Variants in OPRL1 observed in about 807,000 individuals in gnomAD.
The protein encoded by OPRL1 is nociceptin receptor.
OPRL1 carries 5 observed loss-of-function variants against 15.5 expected under a neutral mutation model. The ratio of observed to expected loss-of-function variants is 0.32; its 90% CI spans 0.17 to 0.68. OPRL1 has a LOEUF of 0.68. OPRL1 is among the 30% of genes least tolerant of loss of function. The pLI is 0.72. For synonymous variants in OPRL1, 223 were observed against 230.2 expected (o/e 0.97, Z 0.28); for missense variants, 406 against 515.3 (o/e 0.79, Z 2.05).
rs2060100051 is a variant in OPRL1, at chr20:64,089,544, T to C, written c.-184-2422T>C. Among the ~76,000 whole-genome samples, 1 of 152,008 alleles carries C rather than the reference T, an allele frequency of 6.6e-6. No homozygotes were observed. Among genetic ancestry groups the C allele is most frequent in the Non-Finnish European group, 1.5e-5 (1 of 67,992 alleles). ...TCCTTACCCATCCTCTCTCTTGATCTCTCCATACTTCCTCCCCACTCCTTT... is the reference window on the plus strand; with the variant it reads ...TCCTTACCCATCCTCTCTCTTGATCCCTCCATACTTCCTCCCCACTCCTTT... On this transcript the variant is annotated intron_variant, in intron 1 of 4. Coordinates refer to ENST00000336866, the MANE Select transcript of OPRL1 (RefSeq NM_182647.4). This position sits in a 1 kb window ranked among gnomAD's most constrained non-coding sequence, Gnocchi z 5.5.
intron 3 of OPRL1, 65 bp downstream of exon 3, chr20:64,093,018 C>T (rs547162294): frequency 2.6e-5 from 37 of 1,436,890 alleles, no homozygotes; most frequent in East Asian, 2.5e-4. Flanking sequence ...GAAACTGAGA[C>T]GGGGTCTGTT....
At chr20:64,086,846 G>A (rs1286994093) in intron 1 of OPRL1, among the ~76,000 whole-genome samples, 3 of 152,172 alleles carry the variant, frequency 2.0e-5, no homozygotes, top group Non-Finnish European at 4.4e-5. Context: ...CTTGATTCCT[G>A]TTCTTGGCCA....
intron 1 of OPRL1, chr20:64,084,484 A>G (rs759624931): frequency 4.6e-5 from 40 of 869,148 alleles, no homozygotes; most frequent in Non-Finnish European, 5.7e-5. Context: ...ACTCAGTTGT[A>G]GGAAATATCT....
At position 64,097,922 on chromosome 20, in the gene OPRL1, T is replaced by G. The variant is rs1309136530; in HGVS notation, c.354T>G (p.Phe118Leu). ...ACATCCTCCTGGGCTTCTGGCCGTT[T>G]GGGAATGCGCTGTGCAAGACAGTCA... ...GTDILLGFWP[F>L]GNALCKTVIA... The change falls in exon 4 of 5, where the codon TTT (phenylalanine) becomes TTG (leucine). Residue 118 changes from phenylalanine to leucine, a missense_variant. Phe to Leu is a conservative substitution (Grantham distance 22). Coordinates refer to ENST00000336866, the MANE Select transcript of OPRL1 (RefSeq NM_182647.4). The surrounding 1 kb of genome is among the most constrained non-coding windows in gnomAD (Gnocchi z 4.2). 1.9e-6 allele frequency: 3 copies of G among 1,613,594 alleles called. No individual in the cohort carries two copies. The highest frequency in any genetic ancestry group is 1.7e-6 in the Non-Finnish European group (2 of 1,180,036).
chr20:64,095,397 G>T (rs1428043521), intron 3 of OPRL1, among the ~76,000 whole-genome samples: 8 of 125,696 alleles, frequency 6.4e-5, no homozygotes, highest in Non-Finnish European at 1.2e-4. Flanking sequence ...AGCATGGGGG[G>T]CAGCGTGGGG....
rs780072581 is a variant in OPRL1, at chr20:64,092,802, A to G, written c.82A>G (p.Asn28Asp). 1 of 1,612,710 alleles carries G rather than the reference A, an allele frequency of 6.2e-7. No homozygotes were observed. The highest frequency in any genetic ancestry group is 8.5e-7 in the Non-Finnish European group (1 of 1,179,930). Reference sequence around the variant, plus strand: ...GGGCAACCTGTCCCTCCTGAGCCCCAACCACAGTCTGCTGCCCCCGCATCT... The same window carrying G: ...GGGCAACCTGTCCCTCCTGAGCCCCGACCACAGTCTGCTGCCCCCGCATCT... ...LQGNLSLLSP[N>D]HSLLPPHLLL... Residue 28 changes from asparagine to aspartate, a missense_variant, in exon 3 of 5, where the codon AAC becomes GAC. Asn to Asp is a conservative substitution (Grantham distance 23). Transcript: ENST00000336866.
At chr20:64,098,221 C>T in intron 4 of OPRL1, 55 bp from the exon 5 acceptor site, 1 of 1,602,886 alleles carries the variant, frequency 6.2e-7, no homozygotes, top group South Asian at 1.1e-5. Context: ...TCCTCTGGGC[C>T]CACGTGCCCT....
chr20:64,086,349 G>T (rs186745478), intron 1 of OPRL1, among the ~76,000 whole-genome samples: 70 of 152,280 alleles, frequency 4.6e-4, no homozygotes, highest in Non-Finnish European at 9.1e-4. Flanking sequence ...TTTGCAGCAG[G>T]TACTCCCAGG....
In OPRL1 at chr20:64,083,778, C is replaced by T. The variant is rs1220615652; in HGVS notation, c.-185+3426C>T. 3.0e-6 allele frequency: 4 copies of T among 1,332,700 alleles called. No individual in the cohort carries two copies. Among genetic ancestry groups the T allele is most frequent in the Middle Eastern group, 2.8e-4 (1 of 3,582 alleles). 82.6% of individuals were successfully genotyped at this position (1,332,700 alleles called of 1,614,324 possible). ...GCCCCGGCCGGCTCCGCTCAACGCT[C>T]CCGGTGCGCCCCCTCTGCCCTCCGA... On this transcript the variant is annotated intron_variant, in intron 1 of 4. Transcript: ENST00000336866. This position sits in a 1 kb window ranked among gnomAD's most constrained non-coding sequence, Gnocchi z 4.9.
At position 64,097,982 on chromosome 20, in the gene OPRL1, C is replaced by T; in HGVS notation, c.414C>T (p.Thr138=). 6.2e-7 allele frequency: 1 copy of T among 1,613,754 alleles called. No individual in the cohort carries two copies. Among genetic ancestry groups the T allele is most frequent in the Non-Finnish European group, 8.5e-7 (1 of 1,180,030 alleles). ...AIDYYNMFTS[T]FTLTAMSVDR... ...ACTACTACAACATGTTCACCAGCAC[C>T]TTCACCCTAACTGCCATGAGTGTGG... Residue 138 remains threonine (T), a synonymous_variant, in exon 4 of 5, where the codon ACC becomes ACT. Coordinates refer to ENST00000336866, the MANE Select transcript of OPRL1 (RefSeq NM_182647.4). The surrounding 1 kb of genome is among the most constrained non-coding windows in gnomAD (Gnocchi z 4.2).
At position 64,080,185 on chromosome 20, in the gene OPRL1, G is replaced by C. The variant is rs1237860976; in HGVS notation, c.-352G>C. 1 of 152,266 alleles carries C rather than the reference G, an allele frequency of 6.6e-6. No homozygotes were observed. The highest frequency in any genetic ancestry group is 1.5e-5 in the Non-Finnish European group (1 of 68,070). 9.4% of individuals were successfully genotyped at this position (152,266 alleles called of 1,614,324 possible). Reference sequence around the variant, plus strand: ...GGCTCCCGGGCGGACGGAGCCGCACGGTAGTAGATGGGGGTGTGGCCGTGG... The same window carrying C: ...GGCTCCCGGGCGGACGGAGCCGCACCGTAGTAGATGGGGGTGTGGCCGTGG... On this transcript the variant is annotated 5_prime_UTR_variant, in exon 1 of 5. Transcript: ENST00000336866.
Position 64,099,037 on chromosome 20 carries a change from T to G in OPRL1, c.*238T>G. ...TCCATGGCCCCAGACAGACTAAAGC[T>G]GCCCTCCTGGTGCAGGGCCGAGGGG... On this transcript the variant is annotated 3_prime_UTR_variant, in exon 5 of 5. Coordinates refer to ENST00000336866, the MANE Select transcript of OPRL1 (RefSeq NM_182647.4). The G allele has an allele frequency of 1.8e-6, 1 of 558,194 alleles. No individual in the cohort carries two copies. Among genetic ancestry groups the G allele is most frequent in the Non-Finnish European group, 3.0e-6 (1 of 328,288 alleles). The allele number at this position is 558,194 out of a possible 1,614,324, so 34.6% of individuals were successfully genotyped here.
rs1201352275 is a variant in OPRL1, at chr20:64,098,564, G to T, written c.878G>T (p.Ser293Ile). Residue 293 changes from serine (S) to isoleucine (I), a missense_variant, in exon 5 of 5, where the codon AGC becomes ATC. Transcript: ENST00000336866. ...VLAQGLGVQPSSETAVAILRF... is the reference protein window; with the variant it reads ...VLAQGLGVQPISETAVAILRF... ...GCCCAAGGGCTGGGGGTTCAGCCGA[G>T]CAGCGAGACTGCCGTGGCCATTCTG... The T allele has an allele frequency of 6.2e-7, 1 of 1,612,820 alleles. No homozygotes were observed. Among genetic ancestry groups the T allele is most frequent in the South Asian group, 1.1e-5 (1 of 91,084 alleles).
At position 64,082,435 on chromosome 20, in the gene OPRL1, C is replaced by T. The variant is rs557632764; in HGVS notation, c.-185+2083C>T. 4.3e-4 allele frequency among the ~76,000 whole-genome samples: 66 copies of T among 152,348 alleles called. No individual in the cohort carries two copies. In the South Asian group the frequency reaches 0.012, roughly 27 times the overall value. On this transcript the variant is annotated intron_variant, in intron 1 of 4. Transcript: ENST00000336866. ...CTGGCTGAGGGGCGAGTGCGCAGGGCTCCACCCCCTGGCCGGGGCTGGGGA... is the reference window on the plus strand; with the variant it reads ...CTGGCTGAGGGGCGAGTGCGCAGGGTTCCACCCCCTGGCCGGGGCTGGGGA...
In OPRL1 at chr20:64,097,807, C is replaced by T; in HGVS notation, c.239C>T (p.Thr80Ile). ...CLVMYVILRH[T>I]KMKTATNIYI... ...CTTCTCCCTCTACTCCGCAGGCACA[C>T]CAAAATGAAGACAGCCACCAATATT... Residue 80 changes from threonine (T) to isoleucine (I), a missense_variant, in exon 4 of 5, where the codon ACC becomes ATC. By Grantham distance (89) the Thr-to-Ile change is moderately conservative. Coordinates refer to ENST00000336866, the MANE Select transcript of OPRL1 (RefSeq NM_182647.4). This position sits in a 1 kb window ranked among gnomAD's most constrained non-coding sequence, Gnocchi z 4.2. 6.2e-7 allele frequency: 1 copy of T among 1,611,368 alleles called. No individual in the cohort carries two copies. Among genetic ancestry groups the T allele is most frequent in the Non-Finnish European group, 8.5e-7 (1 of 1,178,188 alleles).
rs878910909 is a variant in OPRL1, at chr20:64,100,414, C to G, written c.*1615C>G. 6.6e-6 allele frequency: 1 copy of G among 152,240 alleles called. No individual in the cohort carries two copies. The highest frequency in any genetic ancestry group is 2.1e-4 in the South Asian group (1 of 4,830). The allele number at this position is 152,240 out of a possible 1,614,324, so 9.4% of individuals were successfully genotyped here. A position where few individuals can be genotyped will look rare whatever the true frequency, so the allele number is the denominator to read the frequency against. ...ACTGTTCTGGGGAGGCTCATGCTGT[C>G]TCCATGACGTCTGTGGCAGGAGTCC... On this transcript the variant is annotated 3_prime_UTR_variant, in exon 5 of 5. Coordinates refer to ENST00000336866, the MANE Select transcript of OPRL1 (RefSeq NM_182647.4).
In OPRL1 at chr20:64,089,061, T is replaced by C. The variant is rs1461903884; in HGVS notation, c.-184-2905T>C. ...CAAGGTCTGTACCGTGGGCTAGGGG[T>C]CTATGTGGGTGGGGGGCAGGTTCTG... On this transcript the variant is annotated intron_variant, in intron 1 of 4. Transcript: ENST00000336866. This position sits in a 1 kb window ranked among gnomAD's most constrained non-coding sequence, Gnocchi z 5.5. Among the ~76,000 whole-genome samples, 1 of 103,414 alleles carries C rather than the reference T, an allele frequency of 9.7e-6. No individual in the cohort carries two copies. The highest frequency in any genetic ancestry group is 1.9e-5 in the Non-Finnish European group (1 of 51,708). 67.8% of individuals were successfully genotyped at this position (103,414 alleles called of 152,430 possible).
chr20:64,083,735 C>G lies in OPRL1; in HGVS notation c.-185+3383C>G, dbSNP rs978061237. 7.4e-7 allele frequency: 1 copy of G among 1,348,488 alleles called. No individual in the cohort carries two copies. Among genetic ancestry groups the G allele is most frequent in the South Asian group, 1.9e-5 (1 of 53,796 alleles). 83.5% of individuals were successfully genotyped at this position (1,348,488 alleles called of 1,614,324 possible). On this transcript the variant is annotated intron_variant, in intron 1 of 4. Transcript: ENST00000336866. The surrounding 1 kb of genome is among the most constrained non-coding windows in gnomAD (Gnocchi z 4.9). The stretch of plus-strand genomic sequence containing the variant: ...GGGGCCCGGGTAGCTGAGCGCGCGC[C>G]GAGCCCCGCCCCGCCCCGCCCCGGC...
In OPRL1 at chr20:64,092,805, C is replaced by A; in HGVS notation, c.85C>A (p.His29Asn). 6.2e-7 allele frequency: 1 copy of A among 1,612,788 alleles called. No individual in the cohort carries two copies. Among genetic ancestry groups the A allele is most frequent in the South Asian group, 1.1e-5 (1 of 91,088 alleles). ...QGNLSLLSPN[H>N]SLLPPHLLLN... ...CAACCTGTCCCTCCTGAGCCCCAACCACAGTCTGCTGCCCCCGCATCTGCT... is the reference window on the plus strand; with the variant it reads ...CAACCTGTCCCTCCTGAGCCCCAACAACAGTCTGCTGCCCCCGCATCTGCT... Residue 29 changes from histidine (H) to asparagine (N), a missense_variant, in exon 3 of 5, where the codon CAC becomes AAC. Coordinates refer to ENST00000336866, the MANE Select transcript of OPRL1 (RefSeq NM_182647.4).
Sources: gnomAD v4.1 joint callset for allele counts (sites outside exome capture counted in the v4.1 genomes callset) on GRCh38, gnomAD v4.1.1 for gene constraint, Gnocchi (gnomAD v3.1) non-coding constraint, MANE v1.5 for transcripts, NCBI Gene and HGNC (gene_info 2026-07-23, HGNC 2026-07-21) for gene names.